The following PIK3C2B variants were observed in gnomAD, a reference collection of about 807,000 sequenced individuals.
PIK3C2B encodes phosphatidylinositol-4-phosphate 3-kinase catalytic subunit type 2 beta, also known as phosphatidylinositol 4-phosphate 3-kinase C2 domain-containing subunit beta.
Under a neutral mutation model 184.3 loss-of-function variants are expected in PIK3C2B, and 83 were observed. That is an observed-to-expected ratio of 0.45 (90% CI 0.38 to 0.54). The LOEUF is 0.54. PIK3C2B is among the 20% of genes least tolerant of loss of function. PIK3C2B has a pLI of 0.00. For missense variants in PIK3C2B, 1,736 were observed against 2,113.5 expected (o/e 0.82, Z 3.50); for synonymous variants, 779 against 837.6 (o/e 0.93, Z 1.21).
chr1:204,487,571 G>A (rs1367101271), intron 1 of PIK3C2B, among the ~76,000 whole-genome samples: 9 of 152,166 alleles, frequency 5.9e-5, no homozygotes, highest in Non-Finnish European at 1.2e-4. Flanking sequence ...CAGAGGTTTG[G>A]AGGCTGTTTG....
intron 16 of PIK3C2B, among the ~76,000 whole-genome samples, 197 bp downstream of exon 16, chr1:204,445,759 T>A (rs1161633884): frequency 6.6e-6 from 1 of 152,196 alleles, no homozygotes; most frequent in African/African-American, 2.4e-5. Context: ...TCAATTTTGT[T>A]GTATGTTTGA....
chr1:204,426,963 C>T (rs897284155), intron 31 of PIK3C2B, among the ~76,000 whole-genome samples: 2 of 152,078 alleles, frequency 1.3e-5, no homozygotes, highest in South Asian at 2.1e-4. Flanking sequence ...TAGTGAAACC[C>T]GGTCTCTAAT....
intron 2 of PIK3C2B, among the ~76,000 whole-genome samples, chr1:204,468,032 T>C (rs937689354): frequency 6.6e-6 from 1 of 152,144 alleles, no homozygotes; most frequent in African/African-American, 2.4e-5. Flanking sequence ...TTGACCTAGA[T>C]AGTTCGCTAT....
Position 204,447,417 on chromosome 1 carries a change from G to C in PIK3C2B, c.2489+19C>G. ...GGTCAGATGAAACATGACAGATTCA[G>C]TGGGGGCCCGGGTCTCACCAGTACA... is the stretch of plus-strand genomic sequence containing the variant. On this transcript the variant is annotated intron_variant, in intron 15 of 32. Transcript: ENST00000684373. The surrounding 1 kb of genome is among the most constrained non-coding windows in gnomAD (Gnocchi z 4.1). 1 of 1,608,094 alleles carries C rather than the reference G, an allele frequency of 6.2e-7. No individual in the cohort carries two copies.
At chr1:204,472,588 G>A (rs556540492) in intron 1 of PIK3C2B, among the ~76,000 whole-genome samples, 2 of 152,188 alleles carry the variant, frequency 1.3e-5, no homozygotes, top group Admixed American at 1.3e-4. Context: ...AGACCAGCCT[G>A]GCTAACATGG....
chr1:204,440,597 C>CT (rs34256181), intron 21 of PIK3C2B, among the ~76,000 whole-genome samples: 110,369 of 123,532 alleles, frequency 0.89, 50,606 homozygotes, highest in Non-Finnish European at 0.98. Context: ...ACCATCAGGC[C>CT]TTTTTTTTTT....
At chr1:204,454,022 G>C (rs898481737) in intron 12 of PIK3C2B, among the ~76,000 whole-genome samples, 1 of 151,760 alleles carries the variant, frequency 6.6e-6, no homozygotes, top group Non-Finnish European at 1.5e-5. Flanking sequence ...TGATCCGCCC[G>C]CCTCGGCCTC....
intron 1 of PIK3C2B, among the ~76,000 whole-genome samples, chr1:204,484,670 G>A (rs1657448169): frequency 1.3e-5 from 2 of 152,064 alleles, no homozygotes; most frequent in Non-Finnish European, 2.9e-5. Flanking sequence ...GGAGGTGGAA[G>A]TTGCAGTAAG....
At chr1:204,454,374 C>G (rs1654638690) in intron 12 of PIK3C2B, among the ~76,000 whole-genome samples, 10 of 150,806 alleles carry the variant, frequency 6.6e-5, no homozygotes, top group Admixed American at 6.6e-4. Context: ...CCCAGCTACT[C>G]GGGAGGCTGA....
chr1:204,464,600 G>A lies in PIK3C2B; in HGVS notation c.1039C>T (p.Arg347Ter), dbSNP rs776397616. 5 of 1,613,774 alleles carry A rather than the reference G, an allele frequency of 3.1e-6. No individual in the cohort carries two copies. Among genetic ancestry groups the A allele is most frequent in the Admixed American group, 1.7e-5 (1 of 59,944 alleles). ...TAGTCTTGGATGTCAGAGCCAGATC[G>A]AAGGCTGTACAGGAAGAAAAAAAAC... ...AAFCHMLDIL[R>*]SGSDIQDYFL... Residue 347 changes from arginine to a stop codon, truncating the protein, a stop_gained, in exon 4 of 33, where the codon CGA (arginine) becomes TGA (stop). Transcript: ENST00000684373. LOFTEE classifies it high-confidence loss of function.
At chr1:204,468,078 TCA>T (rs1655964477) in intron 2 of PIK3C2B, among the ~76,000 whole-genome samples, 1 of 152,218 alleles carries the variant, frequency 6.6e-6, no homozygotes, top group Non-Finnish European at 1.5e-5. Context: ...AAACTATTTG[TCA>T]TACTGCATAT....
At position 204,443,461 on chromosome 1, in the gene PIK3C2B, TGG is replaced by T. The variant is rs750840549; in HGVS notation, c.3002_3003del (p.Ala1001GlufsTer46). 1 of 1,614,226 alleles carries T rather than the reference TGG, an allele frequency of 6.2e-7. No homozygotes were observed. The highest frequency in any genetic ancestry group is 8.5e-7 in the Non-Finnish European group (1 of 1,180,050). On this transcript the variant is annotated frameshift_variant, in exon 19 of 33. Coordinates refer to ENST00000684373, the MANE Select transcript of PIK3C2B (RefSeq NM_001377334.1). LOFTEE classifies it high-confidence loss of function. ...GCCTCCCGGACCTGCTGGGCCAGTT[TGG>T]CCAGGGCATTGACAAGCCAGCACTG... Reference protein sequence around the residue: ...NRQCWLVNALAKLAQQVREAA... With the variant: ...NRQCWLVNALXKLAQQVREAA...
At chr1:204,426,055 A>G (rs1017511579) in intron 31 of PIK3C2B, among the ~76,000 whole-genome samples, 26 of 152,224 alleles carry the variant, frequency 1.7e-4, no homozygotes, top group African/African-American at 6.3e-4. Flanking sequence ...TCTTCCTGCC[A>G]TATCTACTAT....
At position 204,429,933 on chromosome 1, in the gene PIK3C2B, A is replaced by ACCTC; in HGVS notation, c.4385_4386insGAGG (p.Glu1463ArgfsTer2). 2 of 1,607,356 alleles carry ACCTC rather than the reference A, an allele frequency of 1.2e-6. No individual in the cohort carries two copies. The highest frequency in any genetic ancestry group is 1.7e-6 in the Non-Finnish European group (2 of 1,175,402). On this transcript the variant is annotated frameshift_variant, in exon 29 of 33. Coordinates refer to ENST00000684373, the MANE Select transcript of PIK3C2B (RefSeq NM_001377334.1). LOFTEE classifies it high-confidence loss of function. ...CAAGCCCACCCACCTCGGCCACCTC[A>ACCTC]GGGGGTGCGTGGATCAAGTGCCAGA...
intron 1 of PIK3C2B, among the ~76,000 whole-genome samples, chr1:204,484,171 G>T (rs1657405415): frequency 6.6e-6 from 1 of 152,054 alleles, no homozygotes. Context: ...GAAATAGAAG[G>T]AAGGAAATAT....
intron 28 of PIK3C2B, among the ~76,000 whole-genome samples, chr1:204,430,906 G>C (rs9660554): frequency 2.0e-5 from 3 of 150,898 alleles, no homozygotes; most frequent in Non-Finnish European, 4.4e-5. Flanking sequence ...TGCCCACCTA[G>C]GCCTCCCAAA....
At chr1:204,485,815 C>T (rs2103536967) in intron 1 of PIK3C2B, among the ~76,000 whole-genome samples, 1 of 152,182 alleles carries the variant, frequency 6.6e-6, no homozygotes, top group South Asian at 2.1e-4. Context: ...AAGCGATCTG[C>T]CTGCCCCGGC....
At chr1:204,432,898 A>C (rs562223727) in intron 26 of PIK3C2B, among the ~76,000 whole-genome samples, 1 of 152,360 alleles carries the variant, frequency 6.6e-6, no homozygotes, top group East Asian at 1.9e-4. Flanking sequence ...TTGCTTTCAC[A>C]CACAGTGTAC....
At chr1:204,442,448 T>C (rs1675715911) in intron 20 of PIK3C2B, 78 bp downstream of exon 20, 2 of 925,222 alleles carry the variant, frequency 2.2e-6, no homozygotes, top group Non-Finnish European at 3.4e-6. Flanking sequence ...CTCCTCGACC[T>C]TGCATGCCTG....
Sources: gnomAD v4.1 joint callset for allele counts (sites outside exome capture counted in the v4.1 genomes callset) on GRCh38, gnomAD v4.1.1 for gene constraint, Gnocchi (gnomAD v3.1) non-coding constraint, MANE v1.5 for transcripts, NCBI Gene and HGNC (gene_info 2026-07-23, HGNC 2026-07-21) for gene names.